The following CNST variants were observed in gnomAD, a reference collection of about 807,000 sequenced individuals.
The protein encoded by CNST is consortin, connexin sorting protein.
Under a neutral mutation model 72.4 loss-of-function variants are expected in CNST, and 39 were observed. The ratio of observed to expected loss-of-function variants is 0.54; its 90% confidence interval spans 0.42 to 0.70. CNST has a LOEUF of 0.70. CNST is among the 30% of genes least tolerant of loss of function. The pLI, the probability that CNST is intolerant of heterozygous loss-of-function variation, is 0.00. For missense variants in CNST, 871 were observed against 868.5 expected (o/e 1.00, Z -0.04); for synonymous variants, 332 against 320.1 (o/e 1.04, Z -0.40).
At chr1:246,595,629 A>AT (rs1218051147) in intron 2 of CNST, among the ~76,000 whole-genome samples, 1 of 152,192 alleles carries the variant, frequency 6.6e-6, no homozygotes. Context: ...TAATAATTGA[A>AT]TAGCTTCTCA....
chr1:246,653,832 T>TG (rs1370752682), intron 9 of CNST, among the ~76,000 whole-genome samples: 1 of 152,170 alleles, frequency 6.6e-6, no homozygotes, highest in Non-Finnish European at 1.5e-5. Flanking sequence ...CCCTCCAAAT[T>TG]GGTCTTACGT....
chr1:246,576,557 A>G (rs1440458107), intron 1 of CNST, among the ~76,000 whole-genome samples: 2 of 149,446 alleles, frequency 1.3e-5, no homozygotes, highest in Admixed American at 6.7e-5. Context: ...GTGCAGTGGT[A>G]TGATCTCCAC....
In CNST at chr1:246,566,519, G is replaced by T; in HGVS notation, c.-196G>T. The T allele has an allele frequency of 2.3e-6, 1 of 433,220 alleles. No homozygotes were observed. Among genetic ancestry groups the T allele is most frequent in the Non-Finnish European group, 4.1e-6 (1 of 243,340 alleles). The allele number at this position is 433,220 out of a possible 1,614,324, so 26.8% of individuals were successfully genotyped here. ...AGGGGTGCGCAGAGGGAGGCGGGGCGGAAAGGCGAGAGGTGTCTCCTCCAC... is the reference window on the plus strand; with the variant it reads ...AGGGGTGCGCAGAGGGAGGCGGGGCTGAAAGGCGAGAGGTGTCTCCTCCAC... On this transcript the variant is annotated 5_prime_UTR_variant, in exon 1 of 11. Coordinates refer to ENST00000366513, the MANE Select transcript of CNST (RefSeq NM_152609.3).
intron 1 of CNST, among the ~76,000 whole-genome samples, chr1:246,572,838 C>T (rs1248921115): frequency 6.6e-6 from 1 of 152,156 alleles, no homozygotes; most frequent in Non-Finnish European, 1.5e-5. Context: ...GCTGGGATTA[C>T]AGGTGTGAGT....
intron 9 of CNST, among the ~76,000 whole-genome samples, chr1:246,657,249 TGA>T (rs1356973371): frequency 1.4e-4 from 21 of 152,312 alleles, no homozygotes; most frequent in South Asian, 8.3e-4. Flanking sequence ...CACTCCCACC[TGA>T]GAGTGCCTCC....
intron 2 of CNST, among the ~76,000 whole-genome samples, chr1:246,592,820 G>C (rs1352212322): frequency 6.6e-6 from 1 of 152,228 alleles, no homozygotes; most frequent in Non-Finnish European, 1.5e-5. Context: ...AAGTAATTCA[G>C]AGTATTTCTT....
In CNST at chr1:246,639,704, G is replaced by A. The variant is rs73132601; in HGVS notation, c.819-2045G>A. Among the ~76,000 whole-genome samples, 769 of 152,252 alleles carry A rather than the reference G, an allele frequency of 5.1e-3. 10 individuals carry two copies. The highest frequency in any genetic ancestry group is 0.018 in the African/African-American group (735 of 41,536). On this transcript the variant is annotated intron_variant, in intron 6 of 10. Coordinates refer to ENST00000366513, the MANE Select transcript of CNST (RefSeq NM_152609.3). ...GGTTGTGAGCAAGGGCCCGGGTTTC[G>A]GCACCAGGTGCAAGGCACTAGTATT...
At chr1:246,601,884 G>A (rs1662312803) in intron 2 of CNST, among the ~76,000 whole-genome samples, 1 of 152,238 alleles carries the variant, frequency 6.6e-6, no homozygotes, top group African/African-American at 2.4e-5. Context: ...CACTGTGTGT[G>A]TGTGGAATGG....
At chr1:246,634,044 CA>C in intron 5 of CNST, 34 bp downstream of exon 5, 1 of 1,323,760 alleles carries the variant, frequency 7.6e-7, no homozygotes, top group Non-Finnish European at 1.1e-6. Context: ...GTGGAATTAG[CA>C]GTAATCCAAC....
intron 3 of CNST, among the ~76,000 whole-genome samples, chr1:246,623,074 C>T (rs1441576783): frequency 7.2e-5 from 11 of 152,146 alleles, no homozygotes; most frequent in African/African-American, 2.4e-4. Context: ...CCACCCGCCT[C>T]GGCCTTCCAA....
intron 9 of CNST, 138 bp downstream of exon 9, chr1:246,648,175 T>A: frequency 7.0e-7 from 1 of 1,426,280 alleles, no homozygotes; most frequent in Non-Finnish European, 9.1e-7. Flanking sequence ...AAGCTTTTAA[T>A]TATTAGTAGT....
intron 6 of CNST, among the ~76,000 whole-genome samples, chr1:246,637,354 G>A (rs1025703148): frequency 6.6e-6 from 1 of 152,220 alleles, no homozygotes; most frequent in South Asian, 2.1e-4. Flanking sequence ...AGACAGTTAT[G>A]TTGAGAGGAC....
At chr1:246,604,437 T>G (rs916366492) in intron 2 of CNST, among the ~76,000 whole-genome samples, 7 of 152,174 alleles carry the variant, frequency 4.6e-5, no homozygotes, top group Non-Finnish European at 7.4e-5. Context: ...TTTGATCTAT[T>G]GAAAGTTCAG....
intron 1 of CNST, among the ~76,000 whole-genome samples, chr1:246,585,659 AAAAAT>A (rs1380901161): frequency 1.5e-5 from 1 of 68,222 alleles, no homozygotes. Context: ...AAAAAAAAAA[AAAAAT>A]ATACACACAC....
rs563762193 is a variant in CNST, at chr1:246,631,965, T to G, written c.616+41T>G. On this transcript the variant is annotated intron_variant, in intron 4 of 10. Transcript: ENST00000366513. ...TTACAGGAAGAAATTTTTAGAACTC[T>G]TACAGAACCATTCATTTTTTTTAAT... 3.2e-5 allele frequency: 37 copies of G among 1,158,964 alleles called. No homozygotes were observed. In the South Asian group the frequency reaches 4.8e-4, roughly 15 times the overall value. The allele number at this position is 1,158,964 out of a possible 1,614,324, so 71.8% of individuals were successfully genotyped here.
At chr1:246,596,038 A>G (rs1661854707) in intron 2 of CNST, among the ~76,000 whole-genome samples, 1 of 152,092 alleles carries the variant, frequency 6.6e-6, no homozygotes, top group Non-Finnish European at 1.5e-5. Flanking sequence ...TCATCATATA[A>G]TGAGCTTTTT....
rs567740516 is a variant in CNST at position 246,607,527 on chromosome 1, C to G, written c.380-13902C>G. ...GGAGCCTCACGCTGTTTAAAGAGCG[C>G]CTGGGTGCAGACGGGCTGAGGCCTG... On this transcript the variant is annotated intron_variant, in intron 2 of 10. Transcript: ENST00000366513. The G allele has an allele frequency of 5.2e-5, 8 of 154,270 alleles. No homozygotes were observed. In the East Asian group the frequency reaches 1.5e-3, roughly 29 times the overall value. The allele number at this position is 154,270 out of a possible 1,614,324, so 9.6% of individuals were successfully genotyped here.
chr1:246,647,231 G>C lies in CNST; in HGVS notation c.1030G>C (p.Val344Leu). 6.2e-7 allele frequency: 1 copy of C among 1,614,152 alleles called. No individual in the cohort carries two copies. Residue 344 changes from valine to leucine, a missense_variant, in exon 9 of 11, where the codon GTG becomes CTG. By Grantham distance (32) the Val-to-Leu change is conservative (BLOSUM62 1). Coordinates refer to ENST00000366513, the MANE Select transcript of CNST (RefSeq NM_152609.3). Reference sequence around the variant, plus strand: ...CAGTCCCTGCTGTCATCAGATGGACGTGCAAACAGATTCCCCAAGCCTTTC... The same window carrying C: ...CAGTCCCTGCTGTCATCAGATGGACCTGCAAACAGATTCCCCAAGCCTTTC... ...GSSPCCHQMD[V>L]QTDSPSLSVT... is the part of the protein sequence containing the mutation.
intron 3 of CNST, among the ~76,000 whole-genome samples, chr1:246,623,075 G>A (rs1018039155): frequency 2.0e-5 from 3 of 152,094 alleles, no homozygotes; most frequent in African/African-American, 7.2e-5. Flanking sequence ...CACCCGCCTC[G>A]GCCTTCCAAA....
Sources: gnomAD v4.1 joint callset for allele counts (sites outside exome capture counted in the v4.1 genomes callset) on GRCh38, gnomAD v4.1.1 for gene constraint, MANE v1.5 for transcripts, NCBI Gene and HGNC (gene_info 2026-07-23, HGNC 2026-07-21) for gene names.